The following MAPK10 variants were observed in gnomAD, a reference collection of about 807,000 sequenced individuals.
MAPK10 encodes the protein JNK3 alpha protein kinase.
In MAPK10, 25 loss-of-function variants were observed where a neutral mutation model predicts 59.3. That is an observed-to-expected ratio of 0.42 (90% CI 0.31 to 0.59). The LOEUF (loss-of-function observed/expected upper bound fraction) is 0.59. Among genes scored for constraint, MAPK10 ranks in the 20% least tolerant of loss-of-function variants. The pLI, the probability that MAPK10 is intolerant of heterozygous loss-of-function variation, is 0.15. For synonymous variants in MAPK10, 190 were observed against 200.5 expected (o/e 0.95, Z 0.44); for missense variants, 351 against 568.9 (o/e 0.62, Z 3.90).
At chr4:86,412,405 T>G (rs922418679) in intron 1 of MAPK10, among the ~76,000 whole-genome samples, 2 of 152,204 alleles carry the variant, frequency 1.3e-5, no homozygotes, top group Non-Finnish European at 2.9e-5. Flanking sequence ...AAGGAACATC[T>G]TTGTGGTGTT....
At chr4:86,256,437 C>CA (rs1412908040) in intron 2 of MAPK10, among the ~76,000 whole-genome samples, 6 of 151,968 alleles carry the variant, frequency 3.9e-5, no homozygotes, top group African/African-American at 1.2e-4. Flanking sequence ...TAAAATTGAC[C>CA]AAAATTACCA....
At chr4:86,141,471 G>A (rs1262033693) in intron 4 of MAPK10, among the ~76,000 whole-genome samples, 1 of 152,080 alleles carries the variant, frequency 6.6e-6, no homozygotes, top group Admixed American at 6.6e-5. Context: ...ACTCTTTCTA[G>A]CCAGAAGAAG....
intron 9 of MAPK10, among the ~76,000 whole-genome samples, chr4:86,093,686 G>A (rs1290886424): frequency 6.6e-6 from 1 of 151,706 alleles, no homozygotes; most frequent in Non-Finnish European, 1.5e-5. Context: ...GTAATGCCAG[G>A]AAATCAGAAA....
chr4:86,546,087 G>A (rs1176350514), intron 1 of MAPK10, among the ~76,000 whole-genome samples: 1 of 151,994 alleles, frequency 6.6e-6, no homozygotes, highest in African/African-American at 2.4e-5. Context: ...GCCGGGTGTG[G>A]TGTTGGGTGC....
In MAPK10 at chr4:86,010,599, A is replaced by G. The variant is rs1387150027; in HGVS notation, c.*6629T>C. 1.3e-5 allele frequency: 2 copies of G among 152,232 alleles called. No homozygotes were observed. Among genetic ancestry groups the G allele is most frequent in the African/African-American group, 4.8e-5 (2 of 41,468 alleles). The allele number at this position is 152,232 out of a possible 1,614,324, so 9.4% of individuals were successfully genotyped here. A position where few individuals can be genotyped will look rare whatever the true frequency, so the allele number is the denominator to read the frequency against. On this transcript the variant is annotated 3_prime_UTR_variant, in exon 14 of 14. Transcript: ENST00000641462. The stretch of plus-strand genomic sequence containing the variant: ...TGATTTACACCAAATCCAAGTTCGC[A>G]ATGTATTAACATGAAGGAATAGGCC...
intron 12 of MAPK10, 152 bp downstream of exon 12, chr4:86,031,216 G>C (rs560967914): frequency 1.1e-5 from 7 of 612,754 alleles, no homozygotes; most frequent in African/African-American, 1.9e-5. Flanking sequence ...GGCATGAAAA[G>C]ACAGATGAAG....
At chr4:86,433,555 CTTTTTTTTTTT>C (rs574706672) in intron 1 of MAPK10, among the ~76,000 whole-genome samples, 1,754 of 97,662 alleles carry the variant, frequency 0.018, 33 homozygotes, top group African/African-American at 0.066. Flanking sequence ...GGGCCTTCTT[CTTTTTTTTTTT>C]TTTTTTTTTT....
chr4:86,475,148 C>A, intron 1 of MAPK10, among the ~76,000 whole-genome samples: 1 of 152,154 alleles, frequency 6.6e-6, no homozygotes, highest in East Asian at 1.9e-4. Context: ...ACTCAGCCCA[C>A]CTGCACCCAG....
At chr4:86,063,035 TAAAC>T (rs1481234007) in intron 11 of MAPK10, among the ~76,000 whole-genome samples, 1 of 152,180 alleles carries the variant, frequency 6.6e-6, no homozygotes, top group Non-Finnish European at 1.5e-5. Context: ...GAGCAGATCT[TAAAC>T]AAAATGTAGT....
At chr4:86,133,355 T>C (rs762020363) in intron 4 of MAPK10, among the ~76,000 whole-genome samples, 6 of 152,252 alleles carry the variant, frequency 3.9e-5, no homozygotes, top group African/African-American at 1.4e-4. Flanking sequence ...TCAGCTTTTT[T>C]ACAATTTGTG....
chr4:86,124,463 T>C (rs1289892410), intron 4 of MAPK10: 1 of 150,594 alleles, frequency 6.6e-6, no homozygotes, highest in African/African-American at 2.5e-5. Context: ...TCCTCTAAAC[T>C]TTGGGTGCTT....
intron 1 of MAPK10, among the ~76,000 whole-genome samples, chr4:86,423,785 A>ATATATG (rs1007514291): frequency 2.2e-4 from 28 of 129,050 alleles, no homozygotes; most frequent in Non-Finnish European, 1.0e-4. Flanking sequence ...ATATATATAT[A>ATATATG]TATATATATA....
intron 1 of MAPK10, among the ~76,000 whole-genome samples, chr4:86,546,219 G>T (rs528278748): frequency 6.6e-6 from 1 of 150,384 alleles, no homozygotes; most frequent in African/African-American, 2.4e-5. Flanking sequence ...CGAGACTCTT[G>T]TCTCCAAAAA....
chr4:86,499,158 T>A (rs1468545344), intron 1 of MAPK10, among the ~76,000 whole-genome samples: 2 of 152,188 alleles, frequency 1.3e-5, no homozygotes, highest in Non-Finnish European at 2.9e-5. Flanking sequence ...AAAATCAGTG[T>A]CTGGGGAGTA....
chr4:86,320,394 G>C (rs1219083009), intron 2 of MAPK10, among the ~76,000 whole-genome samples: 1 of 152,198 alleles, frequency 6.6e-6, no homozygotes, highest in Admixed American at 6.5e-5. Context: ...CACAGTTTCA[G>C]CAGTGAGGCT....
intron 1 of MAPK10, among the ~76,000 whole-genome samples, chr4:86,452,489 C>G (rs1281024318): frequency 6.6e-6 from 1 of 152,082 alleles, no homozygotes; most frequent in Non-Finnish European, 1.5e-5. Flanking sequence ...CTACTTCCTT[C>G]TCTTCCACAC....
chr4:86,064,295 CGTT>C lies in MAPK10; in HGVS notation c.1078_1080del (p.Asn360del). The C allele has an allele frequency of 6.2e-7, 1 of 1,614,124 alleles. No individual in the cohort carries two copies. The highest frequency in any genetic ancestry group is 8.5e-7 in the Non-Finnish European group (1 of 1,180,020). On this transcript the variant is annotated inframe_deletion, in exon 11 of 14. Coordinates refer to ENST00000641462, the MANE Select transcript of MAPK10 (RefSeq NM_138982.4). The stretch of plus-strand genomic sequence containing the variant: ...TCCACTTCGGCTGGGTCATACCAGA[CGTT>C]GATGTAGGGATGCTGTAAGGCGTCG...
intron 1 of MAPK10, among the ~76,000 whole-genome samples, chr4:86,480,321 C>T (rs570700186): frequency 9.2e-5 from 14 of 151,966 alleles, no homozygotes; most frequent in African/African-American, 2.4e-4. Context: ...CCCTGTGACC[C>T]CCCCACTCCT....
rs113164305 is a variant in MAPK10, at chr4:86,516,653, T to G, written c.-263+77257A>C. On this transcript the variant is annotated intron_variant, in intron 1 of 4. Coordinates refer to the MAPK10 transcript ENST00000502302. ...TTTTGTTGTTGTTGTTTGTTTGTTTTTTGTTTGTTTGTTTGTTTGCAGCTA... is the reference window on the plus strand; with the variant it reads ...TTTTGTTGTTGTTGTTTGTTTGTTTGTTGTTTGTTTGTTTGTTTGCAGCTA... 1.2e-3 allele frequency among the ~76,000 whole-genome samples: 134 copies of G among 113,624 alleles called. 3 individuals carry two copies. Among genetic ancestry groups the G allele is most frequent in the South Asian group, 8.0e-3 (33 of 4,114 alleles). 74.5% of individuals were successfully genotyped at this position (113,624 alleles called of 152,430 possible). A position where few individuals can be genotyped will look rare whatever the true frequency, so the allele number is the denominator to read the frequency against.
Sources: gnomAD v4.1 joint callset for allele counts (sites outside exome capture counted in the v4.1 genomes callset) on GRCh38, gnomAD v4.1.1 for gene constraint, MANE v1.5 for transcripts, NCBI Gene and HGNC (gene_info 2026-07-23, HGNC 2026-07-21) for gene names.